The following THAP6 variants were observed in gnomAD, a reference collection of about 807,000 sequenced individuals.
THAP6 encodes THAP domain containing 6.
Under a neutral mutation model 20.0 loss-of-function variants are expected in THAP6, and 13 were observed. The observed-to-expected ratio is 0.65, with a 90% CI of 0.42 to 1.03. The LOEUF (loss-of-function observed/expected upper bound fraction) is 1.03, where lower values mean the gene tolerates loss of function less well. THAP6 is among the 50% of genes least tolerant of loss of function. THAP6 has a pLI of 0.00. For missense variants in THAP6, 262 were observed against 261.6 expected, an observed-to-expected ratio of 1.00 and a Z score of -0.01; for synonymous variants, 93 against 92.2, an observed-to-expected ratio of 1.01 and a Z score of -0.05.
upstream of THAP6, chr4:75,514,288 T>C (rs1289926926): frequency 5.6e-6 from 9 of 1,610,564 alleles, no homozygotes; most frequent in Non-Finnish European, 7.6e-6. Context: ...CGCCGCCATC[T>C]CCTCCACCTC....
At chr4:75,545,823 A>C (rs1727115802) in intron 3 of THAP6, among the ~76,000 whole-genome samples, 1 of 152,246 alleles carries the variant, frequency 6.6e-6, no homozygotes, top group African/African-American at 2.4e-5. Context: ...AAGGCCCAGC[A>C]GCAGGACAGG....
chr4:75,519,450 G>T (rs1265297622), intron 3 of THAP6, among the ~76,000 whole-genome samples: 2 of 151,316 alleles, frequency 1.3e-5, no homozygotes, highest in African/African-American at 4.9e-5. Flanking sequence ...CTAGCATTAG[G>T]TATATCTCCC....
intron 3 of THAP6, among the ~76,000 whole-genome samples, chr4:75,521,049 C>T (rs1725993372): frequency 1.3e-5 from 2 of 151,526 alleles, no homozygotes; most frequent in Admixed American, 6.6e-5. Context: ...ATTGCAGTTC[C>T]TTTTTTTTCT....
chr4:75,543,741 A>G (rs1292557642), intron 3 of THAP6, among the ~76,000 whole-genome samples: 1 of 152,232 alleles, frequency 6.6e-6, no homozygotes, highest in Non-Finnish European at 1.5e-5. Flanking sequence ...GGCAAGCCAA[A>G]ATAATGGCAG....
At chr4:75,546,288 A>C (rs1353867060) in intron 3 of THAP6, among the ~76,000 whole-genome samples, 1 of 152,146 alleles carries the variant, frequency 6.6e-6, no homozygotes, top group Non-Finnish European at 1.5e-5. Flanking sequence ...GGTGAAGGAC[A>C]TTCCATCCTG....
At position 75,529,397 on chromosome 4, in the gene THAP6, C is replaced by G. The variant is rs147530782; in HGVS notation, c.*2183C>G. The G allele has an allele frequency of 1.2e-4, 119 of 985,392 alleles. No homozygotes were observed. In the African/African-American group the frequency reaches 1.9e-3, roughly 16 times the overall value. 61.0% of individuals were successfully genotyped at this position (985,392 alleles called of 1,614,324 possible). A position where few individuals can be genotyped will look rare whatever the true frequency, so the allele number is the denominator to read the frequency against. Reference sequence around the variant, plus strand: ...TTTTACTACTTGTGTTCATAGTAGACTCAGCACTTCTTTTTCACTGGACCT... The same window carrying G: ...TTTTACTACTTGTGTTCATAGTAGAGTCAGCACTTCTTTTTCACTGGACCT... On this transcript the variant is annotated 3_prime_UTR_variant, in exon 5 of 5. Transcript: ENST00000311638.
chr4:75,545,287 G>C (rs1727100086), intron 3 of THAP6, among the ~76,000 whole-genome samples: 1 of 152,194 alleles, frequency 6.6e-6, no homozygotes, highest in Non-Finnish European at 1.5e-5. Flanking sequence ...GATGAATGCA[G>C]GCTCTTGTTG....
chr4:75,521,747 A>C lies in THAP6; in HGVS notation c.300A>C (p.Glu100Asp). The change falls in exon 4 of 5, where the codon GAA becomes GAC. Residue 100 changes from glutamate to aspartate, a missense_variant. Transcript: ENST00000311638. ...DSPYHLQGKR[E>D]KLHCRKNFTL... ...ACTACTCTTAACAGGGGAAAAGAGA[A>C]AAACTTCATTGTAGAAAAAACTTCA... 6.2e-7 allele frequency: 1 copy of C among 1,611,002 alleles called. No individual in the cohort carries two copies. The highest frequency in any genetic ancestry group is 8.5e-7 in the Non-Finnish European group (1 of 1,178,464).
In THAP6 at chr4:75,527,282, A is replaced by T; in HGVS notation, c.*68A>T. The T allele has an allele frequency of 6.4e-7, 1 of 1,553,664 alleles. No homozygotes were observed. The highest frequency in any genetic ancestry group is 1.2e-5 in the South Asian group (1 of 80,374). The stretch of plus-strand genomic sequence containing the variant: ...AAATTTTTATAAAATCTCATTTACC[A>T]TCACTAAATAATATCCATCATTTAA... On this transcript the variant is annotated 3_prime_UTR_variant, in exon 5 of 5. Transcript: ENST00000311638.
chr4:75,540,133 G>A (rs960789069), intron 2 of THAP6, among the ~76,000 whole-genome samples: 15 of 152,044 alleles, frequency 9.9e-5, no homozygotes, highest in African/African-American at 9.7e-5. Context: ...TCATTCACCC[G>A]TTCATTCAAC....
intron 3 of THAP6, among the ~76,000 whole-genome samples, chr4:75,519,400 C>T (rs1441912321): frequency 6.6e-6 from 1 of 150,878 alleles, no homozygotes; most frequent in Admixed American, 6.6e-5. Context: ...CATATGTATA[C>T]ATGTGCCATG....
At chr4:75,545,624 G>T (rs981595991) in intron 3 of THAP6, among the ~76,000 whole-genome samples, 1 of 152,074 alleles carries the variant, frequency 6.6e-6, no homozygotes, top group Non-Finnish European at 1.5e-5. Flanking sequence ...CCTGACTCAG[G>T]GGTGCCCACC....
intron 4 of THAP6, among the ~76,000 whole-genome samples, chr4:75,525,096 A>T (rs185792821): frequency 3.3e-5 from 5 of 152,240 alleles, no homozygotes; most frequent in Admixed American, 3.3e-4. Flanking sequence ...TAATCTGATG[A>T]TGATATGCCT....
At position 75,539,158 on chromosome 4, in the gene THAP6, TG is replaced by T. The variant is rs537149088; in HGVS notation, c.166-3248del. 3.9e-5 allele frequency among the ~76,000 whole-genome samples: 6 copies of T among 152,304 alleles called. No individual in the cohort carries two copies. The South Asian group carries it at 1.2e-3, about 32-fold the overall frequency. ...AGCGCAGCCATATATCTCAAGACAA[TG>T]GGTTCTTGAATTCAGCCTAATGCCT... On this transcript the variant is annotated intron_variant, in intron 2 of 4. Coordinates refer to the THAP6 transcript ENST00000502620.
At chr4:75,519,726 CATT>C (rs1725893311) in intron 3 of THAP6, among the ~76,000 whole-genome samples, 1 of 151,974 alleles carries the variant, frequency 6.6e-6, no homozygotes, top group African/African-American at 2.4e-5. Context: ...TCCAGTCTAT[CATT>C]GTTGGACATT....
In THAP6 at chr4:75,529,857, T is replaced by G. The variant is rs1726616359; in HGVS notation, c.*2643T>G. 1 of 985,100 alleles carries G rather than the reference T, an allele frequency of 1.0e-6. No homozygotes were observed. Among genetic ancestry groups the G allele is most frequent in the South Asian group, 4.7e-5 (1 of 21,288 alleles). 61.0% of individuals were successfully genotyped at this position (985,100 alleles called of 1,614,324 possible). ...AAGTTTAAATTTCTGGAAATAGACT[T>G]TGGTTGCTAATGACAATTACAGTTA... is the stretch of plus-strand genomic sequence containing the variant. On this transcript the variant is annotated 3_prime_UTR_variant, in exon 5 of 5. Coordinates refer to ENST00000311638, the MANE Select transcript of THAP6 (RefSeq NM_144721.6).
intron 2 of THAP6, 81 bp from the exon 3 acceptor site, chr4:75,516,691 C>A (rs1290067738): frequency 1.7e-6 from 2 of 1,165,676 alleles, no homozygotes; most frequent in Admixed American, 2.4e-5. Flanking sequence ...TCAATTTAGT[C>A]ACAGTTGTAT....
At chr4:75,517,355 A>G (rs932800712) in intron 3 of THAP6, 1 of 162,930 alleles carries the variant, frequency 6.1e-6, no homozygotes, top group African/African-American at 2.4e-5. Context: ...AACCTTCACC[A>G]CTCTTGCTAA....
At chr4:75,541,040 G>C (rs1367664978) in intron 2 of THAP6, among the ~76,000 whole-genome samples, 1 of 151,414 alleles carries the variant, frequency 6.6e-6, no homozygotes, top group Non-Finnish European at 1.5e-5. Flanking sequence ...CTATCCAAAG[G>C]ATCAAACTCA....
Sources: gnomAD v4.1 joint callset for allele counts (sites outside exome capture counted in the v4.1 genomes callset) on GRCh38, gnomAD v4.1.1 for gene constraint, MANE v1.5 for transcripts, NCBI Gene and HGNC (gene_info 2026-07-23, HGNC 2026-07-21) for gene names.